The following UTRN variants were observed in gnomAD, a reference collection of about 807,000 sequenced individuals.
UTRN encodes dystrophin-related protein 1.
A neutral mutation model predicts 463.9 loss-of-function variants in UTRN; 283 were observed. The observed-to-expected ratio is 0.61, with a 90% confidence interval of 0.55 to 0.67. The LOEUF is 0.67. Ranked by LOEUF, UTRN falls within the 30% of genes least tolerant of loss-of-function variation. The pLI is 0.00. For synonymous variants in UTRN, 1,442 were observed against 1,431.5 expected (o/e 1.01, Z -0.17); for missense variants, 3,922 against 4,084.3 (o/e 0.96, Z 1.08).
At chr6:144,530,725 AGTGT>A (rs978667343) in intron 41 of UTRN, among the ~76,000 whole-genome samples, 5 of 151,788 alleles carry the variant, frequency 3.3e-5, no homozygotes, top group African/African-American at 9.7e-5. Context: ...AAGCTGCTCG[AGTGT>A]GTGTGTGAGT....
In UTRN at chr6:144,759,984, G is replaced by A. The variant is rs985176625; in HGVS notation, c.8495+1995G>A. ...TCTGATTTTTTTAAAAATGCAAACTGGATCTAGTTTTTGGGTTTTACTAAA... is the reference window on the plus strand; with the variant it reads ...TCTGATTTTTTTAAAAATGCAAACTAGATCTAGTTTTTGGGTTTTACTAAA... On this transcript the variant is annotated intron_variant, in intron 58 of 74. Coordinates refer to ENST00000367545, the MANE Select transcript of UTRN (RefSeq NM_007124.3). 2.6e-4 allele frequency among the ~76,000 whole-genome samples: 40 copies of A among 152,004 alleles called. No individual in the cohort carries two copies. The Middle Eastern group carries it at 0.01, about 39-fold the overall frequency.
chr6:144,628,585 C>A (rs1776185117), intron 51 of UTRN, among the ~76,000 whole-genome samples: 1 of 152,190 alleles, frequency 6.6e-6, no homozygotes, highest in Non-Finnish European at 1.5e-5. Flanking sequence ...CTCTAATAGA[C>A]ATGCTTTAGT....
chr6:144,558,642 A>T (rs1799594157), intron 50 of UTRN, among the ~76,000 whole-genome samples: 2 of 151,936 alleles, frequency 1.3e-5, no homozygotes, highest in Admixed American at 1.3e-4. Context: ...AATAATAATT[A>T]AAAAAAAGAA....
At chr6:144,389,127 G>A (rs1781678697) in intron 2 of UTRN, among the ~76,000 whole-genome samples, 1 of 152,220 alleles carries the variant, frequency 6.6e-6, no homozygotes, top group African/African-American at 2.4e-5. Flanking sequence ...ACATATGTAA[G>A]ATGAACATTG....
chr6:144,627,100 G>A (rs902521783), intron 51 of UTRN, among the ~76,000 whole-genome samples: 9 of 151,558 alleles, frequency 5.9e-5, no homozygotes, highest in African/African-American at 1.9e-4. Context: ...TGCACTACGC[G>A]GCAGATGGGG....
At chr6:144,516,181 A>C (rs777983345) in intron 37 of UTRN, 48 bp from the exon 38 acceptor site, 2 of 1,580,118 alleles carry the variant, frequency 1.3e-6, no homozygotes, top group Non-Finnish European at 1.7e-6. Flanking sequence ...TTAATGATGG[A>C]AAGTCAAATT....
chr6:144,571,906 T>C (rs1444414139), intron 50 of UTRN, among the ~76,000 whole-genome samples: 1 of 152,182 alleles, frequency 6.6e-6, no homozygotes, highest in Non-Finnish European at 1.5e-5. Flanking sequence ...TCTGGAGACA[T>C]GCTTTCTAGG....
At chr6:144,824,576 A>T (rs28439888) in intron 66 of UTRN, among the ~76,000 whole-genome samples, 11 of 22,774 alleles carry the variant, frequency 4.8e-4, no homozygotes, top group African/African-American at 1.7e-3. Context: ...TTTTATTTAT[A>T]TATATATATA....
chr6:144,380,652 A>AT (rs1306580879), intron 2 of UTRN, among the ~76,000 whole-genome samples: 14 of 151,910 alleles, frequency 9.2e-5, no homozygotes, highest in East Asian at 1.9e-4. Context: ...CTCTAAAATA[A>AT]TTTTTTTAAA....
chr6:144,537,782 C>T, intron 44 of UTRN, 65 bp downstream of exon 44: 1 of 1,534,450 alleles, frequency 6.5e-7, no homozygotes, highest in South Asian at 1.3e-5. Context: ...GAGTCACATA[C>T]TGCGTGTCTC....
intron 2 of UTRN, among the ~76,000 whole-genome samples, chr6:144,339,352 A>G (rs1776961428): frequency 6.6e-6 from 1 of 152,178 alleles, no homozygotes. Context: ...TGAATTTTTG[A>G]AGTATTGCTT....
chr6:144,825,075 A>G (rs1483532838), intron 66 of UTRN, among the ~76,000 whole-genome samples: 1 of 152,064 alleles, frequency 6.6e-6, no homozygotes, highest in African/African-American at 2.4e-5. Flanking sequence ...TAAGCCACCG[A>G]GCCTGGCCTG....
intron 34 of UTRN, among the ~76,000 whole-genome samples, chr6:144,500,377 A>G (rs940251836): frequency 4.6e-5 from 7 of 152,146 alleles, no homozygotes; most frequent in Non-Finnish European, 7.4e-5. Flanking sequence ...GATGTTGAGC[A>G]TTTTTTCGTG....
At chr6:144,449,906 A>G (rs1477951740) in intron 17 of UTRN, among the ~76,000 whole-genome samples, 1 of 152,110 alleles carries the variant, frequency 6.6e-6, no homozygotes. Flanking sequence ...CTTCATCTCT[A>G]AAGGGGATAA....
intron 51 of UTRN, among the ~76,000 whole-genome samples, chr6:144,602,831 A>G (rs1265977063): frequency 6.6e-6 from 1 of 152,208 alleles, no homozygotes; most frequent in Admixed American, 6.5e-5. Context: ...ATGACATTGA[A>G]TGAAACAACA....
chr6:144,506,492 A>C (rs534603493), intron 34 of UTRN, among the ~76,000 whole-genome samples: 156 of 152,240 alleles, frequency 1.0e-3, no homozygotes, highest in Non-Finnish European at 1.8e-3. Flanking sequence ...CTTGTCTGTA[A>C]AGGATTTTAT....
intron 34 of UTRN, among the ~76,000 whole-genome samples, chr6:144,506,663 C>T (rs1399101221): frequency 1.3e-5 from 2 of 152,118 alleles, no homozygotes; most frequent in African/African-American, 4.8e-5. Flanking sequence ...TTGTGGGTAA[C>T]CTGACCTTTC....
chr6:144,659,101 G>T (rs769479117), intron 51 of UTRN, among the ~76,000 whole-genome samples: 1 of 152,078 alleles, frequency 6.6e-6, no homozygotes, highest in Non-Finnish European at 1.5e-5. Context: ...ATTAATCAAC[G>T]CGTATTTCCT....
At chr6:144,813,811 G>GT (rs780877503) in intron 65 of UTRN, among the ~76,000 whole-genome samples, 6 of 152,194 alleles carry the variant, frequency 3.9e-5, no homozygotes, top group Non-Finnish European at 7.3e-5. Flanking sequence ...ACCTGGAAGG[G>GT]TTTTGCCATG....
Sources: gnomAD v4.1 joint callset for allele counts (sites outside exome capture counted in the v4.1 genomes callset) on GRCh38, gnomAD v4.1.1 for gene constraint, MANE v1.5 for transcripts, NCBI Gene and HGNC (gene_info 2026-07-23, HGNC 2026-07-21) for gene names.